Variants in SH3RF2 observed in about 807,000 individuals in gnomAD.
SH3RF2 encodes the protein SH3 domain containing ring finger 2.
A neutral mutation model predicts 59.0 loss-of-function variants in SH3RF2; 43 were observed. That is an observed-to-expected ratio of 0.73 (90% CI 0.57 to 0.94). SH3RF2 has a LOEUF of 0.94. SH3RF2 is among the 40% of genes least tolerant of loss of function. SH3RF2 has a pLI of 0.00. For synonymous variants in SH3RF2, 391 were observed against 391.5 expected (o/e 1.00, Z 0.01); for missense variants, 930 against 940.1 (o/e 0.99, Z 0.14).
chr5:145,956,930 G>C (rs1159716772), intron 2 of SH3RF2, among the ~76,000 whole-genome samples: 1 of 152,238 alleles, frequency 6.6e-6, no homozygotes, highest in East Asian at 1.9e-4. Context: ...GAAGAAGGTT[G>C]TGCTAGAATT....
chr5:146,014,197 C>T (rs1164520398), intron 5 of SH3RF2, 136 bp downstream of exon 5: 6 of 832,252 alleles, frequency 7.2e-6, no homozygotes, highest in Non-Finnish European at 9.4e-6. Flanking sequence ...CATATGTATT[C>T]CATGTTAGAA....
At chr5:146,009,329 C>T (rs1406240050) in intron 4 of SH3RF2, among the ~76,000 whole-genome samples, 1 of 152,102 alleles carries the variant, frequency 6.6e-6, no homozygotes, top group Admixed American at 6.6e-5. Context: ...TGATCTGGCC[C>T]CTGCCTGTCT....
intron 8 of SH3RF2, among the ~76,000 whole-genome samples, chr5:146,058,451 A>G (rs888427209): frequency 2.6e-5 from 4 of 152,218 alleles, no homozygotes; most frequent in African/African-American, 9.6e-5. Flanking sequence ...ACACTTGTGT[A>G]GATGGTGACT....
chr5:146,005,840 A>G (rs1186049185), intron 4 of SH3RF2, among the ~76,000 whole-genome samples: 1 of 145,552 alleles, frequency 6.9e-6, no homozygotes, highest in Non-Finnish European at 1.5e-5. Context: ...CTAACACAGA[A>G]CAAGCACTCT....
chr5:145,951,141 T>C (rs1465897653), intron 2 of SH3RF2, among the ~76,000 whole-genome samples: 1 of 152,236 alleles, frequency 6.6e-6, no homozygotes, highest in African/African-American at 2.4e-5. Context: ...TTTTAATGCT[T>C]ACCATCTTCA....
intron 4 of SH3RF2, among the ~76,000 whole-genome samples, chr5:146,012,868 C>G (rs1760960286): frequency 6.6e-6 from 1 of 152,056 alleles, no homozygotes; most frequent in Non-Finnish European, 1.5e-5. Context: ...AACTAGATCA[C>G]AAGAGCTGGT....
At chr5:145,980,207 C>T (rs767015831) in intron 2 of SH3RF2, among the ~76,000 whole-genome samples, 25 of 152,130 alleles carry the variant, frequency 1.6e-4, no homozygotes, top group East Asian at 3.9e-4. Flanking sequence ...TAGTAACAAA[C>T]GACAAGAGTT....
chr5:145,967,846 G>A (rs2149959432), intron 2 of SH3RF2, among the ~76,000 whole-genome samples: 1 of 152,226 alleles, frequency 6.6e-6, no homozygotes, highest in Middle Eastern at 3.4e-3. Flanking sequence ...TTTTAGTAGA[G>A]ACAGGGTTTC....
chr5:146,041,225 T>C (rs1762114782), intron 5 of SH3RF2, among the ~76,000 whole-genome samples: 1 of 152,330 alleles, frequency 6.6e-6, no homozygotes, highest in East Asian at 1.9e-4. Flanking sequence ...ACTGGAGTCA[T>C]AGCATGTGAG....
intron 5 of SH3RF2, among the ~76,000 whole-genome samples, chr5:146,018,447 G>A (rs1199800968): frequency 6.6e-6 from 1 of 151,864 alleles, no homozygotes; most frequent in African/African-American, 2.4e-5. Context: ...TTATGGCTGA[G>A]TAGTATTCCA....
chr5:146,019,578 G>A (rs1352599953), intron 5 of SH3RF2, among the ~76,000 whole-genome samples: 2 of 151,948 alleles, frequency 1.3e-5, no homozygotes, highest in African/African-American at 4.8e-5. Context: ...GTTTAGAATT[G>A]CTTTGACTAT....
intron 2 of SH3RF2, among the ~76,000 whole-genome samples, chr5:145,982,437 G>A (rs960916129): frequency 6.6e-5 from 10 of 152,308 alleles, no homozygotes; most frequent in Admixed American, 5.2e-4. Flanking sequence ...GAGGAGGCAA[G>A]CACTTGCACC....
intron 2 of SH3RF2, among the ~76,000 whole-genome samples, chr5:145,969,724 G>A (rs1320272485): frequency 1.3e-5 from 2 of 150,696 alleles, no homozygotes; most frequent in Non-Finnish European, 3.0e-5. Flanking sequence ...GACAGAGCGA[G>A]ACACTCTTTC....
intron 2 of SH3RF2, among the ~76,000 whole-genome samples, chr5:145,939,547 A>G (rs368063179): frequency 1.3e-5 from 2 of 152,118 alleles, no homozygotes; most frequent in Non-Finnish European, 2.9e-5. Flanking sequence ...GAAGCAGGAC[A>G]TTTTTTCACT....
intron 9 of SH3RF2, among the ~76,000 whole-genome samples, chr5:146,078,054 C>A (rs182529765): frequency 1.3e-5 from 2 of 152,090 alleles, no homozygotes; most frequent in Admixed American, 1.3e-4. Flanking sequence ...TGGTCAAGTG[C>A]CAACCTCTGA....
At chr5:145,964,208 C>T (rs1758761755) in intron 2 of SH3RF2, among the ~76,000 whole-genome samples, 1 of 149,474 alleles carries the variant, frequency 6.7e-6, no homozygotes, top group South Asian at 2.1e-4. Context: ...TTCCTTCCTT[C>T]CTTCCTCCCT....
chr5:145,979,619 C>T (rs1329196148), intron 2 of SH3RF2, among the ~76,000 whole-genome samples: 1 of 152,166 alleles, frequency 6.6e-6, no homozygotes, highest in East Asian at 1.9e-4. Flanking sequence ...AACATGATGT[C>T]GGCCAACTCA....
chr5:146,036,254 G>A (rs1761932689), intron 5 of SH3RF2, among the ~76,000 whole-genome samples: 1 of 152,140 alleles, frequency 6.6e-6, no homozygotes, highest in Admixed American at 6.5e-5. Flanking sequence ...GAAAGCATGA[G>A]GTAGAAAATA....
intron 5 of SH3RF2, among the ~76,000 whole-genome samples, chr5:146,027,092 C>T (rs1399908931): frequency 6.6e-6 from 1 of 152,190 alleles, no homozygotes. Flanking sequence ...CTGTTGGAGC[C>T]TGCTTTGAAG....
Sources: allele counts gnomAD v4.1 joint callset (sites outside exome capture counted in the v4.1 genomes callset), GRCh38; gene constraint gnomAD v4.1.1; transcripts MANE v1.5; gene names NCBI Gene and HGNC (gene_info 2026-07-23, HGNC 2026-07-21).